MCF2L: variants seen among roughly 807,000 people sequenced by gnomAD.
The protein encoded by MCF2L is MCF.2 cell line derived transforming sequence like, also known as guanine nucleotide exchange factor DBS.
Under a neutral mutation model 153.4 loss-of-function variants are expected in MCF2L, and 97 were observed. The ratio of observed to expected loss-of-function variants is 0.63; its 90% CI spans 0.54 to 0.75. MCF2L has a LOEUF of 0.75. MCF2L is among the 30% of genes least tolerant of loss of function. The probability of loss-of-function intolerance (pLI) is 0.00; values close to 1 mark genes in which losing one functional copy is unlikely to be tolerated. For synonymous variants in MCF2L, 659 were observed against 632.2 expected (o/e 1.04, Z -0.64); for missense variants, 1,347 against 1,495.2 (o/e 0.90, Z 1.64).
chr13:112,955,707 CA>C (rs758025429), intron 2 of MCF2L, among the ~76,000 whole-genome samples: 8 of 152,260 alleles, frequency 5.3e-5, no homozygotes, highest in African/African-American at 1.9e-4. Context: ...TTCCATTCCC[CA>C]AAAGAGCCCC....
chr13:113,056,866 AGTGGGTG>A, intron 4 of MCF2L, among the ~76,000 whole-genome samples: 1 of 77,456 alleles, frequency 1.3e-5, no homozygotes, highest in African/African-American at 5.5e-5. Flanking sequence ...TTCGGCGCTG[AGTGGGTG>A]CTGAGTGGGT....
chr13:113,082,581 C>G (rs756173757), intron 17 of MCF2L, 39 bp downstream of exon 17: 2 of 1,401,798 alleles, frequency 1.4e-6, no homozygotes, highest in South Asian at 2.4e-5. Flanking sequence ...CACCCGTGAT[C>G]TCTTGCAGCT....
chr13:112,985,779 T>C (rs559100501), intron 1 of MCF2L, among the ~76,000 whole-genome samples: 1 of 152,342 alleles, frequency 6.6e-6, no homozygotes, highest in Non-Finnish European at 1.5e-5. Flanking sequence ...GGGCTCAGCC[T>C]GCACCAGGCT....
chr13:113,030,796 A>T (rs115042286), intron 3 of MCF2L, among the ~76,000 whole-genome samples: 1,606 of 152,318 alleles, frequency 0.011, 23 homozygotes, highest in African/African-American at 0.037. Context: ...CGACAAGCAG[A>T]TTCCAGACCC....
chr13:112,913,969 C>T (rs559188436), intron 2 of MCF2L, among the ~76,000 whole-genome samples: 4 of 152,298 alleles, frequency 2.6e-5, no homozygotes, highest in African/African-American at 9.6e-5. Context: ...GCCTGCACCT[C>T]GAGTCCAGAC....
At chr13:112,942,254 GT>G (rs2081582957) in intron 2 of MCF2L, among the ~76,000 whole-genome samples, 1 of 152,214 alleles carries the variant, frequency 6.6e-6, no homozygotes, top group Non-Finnish European at 1.5e-5. Context: ...ATTAGTGAAA[GT>G]ACTAAAAGTC....
At chr13:112,902,666 G>A (rs762462051) in intron 2 of MCF2L, among the ~76,000 whole-genome samples, 1 of 152,244 alleles carries the variant, frequency 6.6e-6, no homozygotes, top group Non-Finnish European at 1.5e-5. Context: ...TAGAGATCAT[G>A]AGAAATGTTT....
chr13:113,098,130 C>G lies in MCF2L; in HGVS notation c.*1271C>G, dbSNP rs1046021521. 6.6e-6 allele frequency: 1 copy of G among 152,506 alleles called. No homozygotes were observed. The highest frequency in any genetic ancestry group is 1.5e-5 in the Non-Finnish European group (1 of 68,056). 9.4% of individuals were successfully genotyped at this position (152,506 alleles called of 1,614,324 possible). ...CTGGAAAGGACATATTCGCTGTCCC[C>G]GTGCTGCTGGGAGGGCCGCCTCACA... On this transcript the variant is annotated 3_prime_UTR_variant, in exon 30 of 30. Coordinates refer to ENST00000535094, the MANE Select transcript of MCF2L (RefSeq NM_001112732.3).
chr13:113,089,593 T>G lies in MCF2L; in HGVS notation c.2835-17T>G, dbSNP rs770338388. 5.9e-6 allele frequency: 9 copies of G among 1,535,244 alleles called. No homozygotes were observed. The East Asian group carries it at 9.0e-5, about 15-fold the overall frequency. On this transcript the variant is annotated splice_polypyrimidine_tract_variant and intron_variant, in intron 25 of 29. Transcript: ENST00000535094. ...GGCAACACACTATTTCCTTTTTGAT[T>G]TGTCTGATGTCATCAGTCCCTCAAG... is the stretch of plus-strand genomic sequence containing the variant.
chr13:113,039,019 T>C (rs2086320002), intron 3 of MCF2L, among the ~76,000 whole-genome samples: 1 of 152,092 alleles, frequency 6.6e-6, no homozygotes, highest in South Asian at 2.1e-4. Context: ...CACCACGCCC[T>C]GCTGATTTTT....
chr13:112,914,725 AT>A (rs2081272765), intron 2 of MCF2L, among the ~76,000 whole-genome samples: 1 of 152,000 alleles, frequency 6.6e-6, no homozygotes, highest in South Asian at 2.1e-4. Flanking sequence ...ACTGCTTCTC[AT>A]TTATGTTTTT....
rs1411892458 is a variant in MCF2L at position 112,943,388 on chromosome 13, TC to T, written c.169+41021del. Among the ~76,000 whole-genome samples the T allele has an allele frequency of 3.3e-5, 5 of 149,606 alleles. No homozygotes were observed. The highest frequency in any genetic ancestry group is 5.0e-5 in the African/African-American group (2 of 40,260). ...GAGGGCGGCGGCTCCCAGCTCCCGG[TC>T]CCCGGCTCCGCGCCGCAGGCGTGAA... On this transcript the variant is annotated intron_variant, in intron 2 of 29. Coordinates refer to the MCF2L transcript ENST00000375608. The surrounding 1 kb of genome is among the most constrained non-coding windows in gnomAD (Gnocchi z 4.2).
At chr13:112,944,087 G>T (rs1204488560) in intron 2 of MCF2L, among the ~76,000 whole-genome samples, 1 of 149,864 alleles carries the variant, frequency 6.7e-6, no homozygotes, top group East Asian at 2.0e-4. Flanking sequence ...CTGAGGGAAG[G>T]GTTCCGGACC....
intron 1 of MCF2L, among the ~76,000 whole-genome samples, chr13:112,902,044 G>A (rs765977089): frequency 5.9e-5 from 9 of 152,330 alleles, no homozygotes; most frequent in East Asian, 1.9e-4. Flanking sequence ...GAAATTGACC[G>A]GAGAAGAATG....
intron 2 of MCF2L, chr13:112,902,488 A>G: frequency 9.4e-7 from 1 of 1,064,388 alleles, no homozygotes; most frequent in Non-Finnish European, 1.3e-6. Flanking sequence ...GATCCTGGGA[A>G]TGCATGACCC....
At chr13:112,928,847 C>G (rs944180012) in intron 2 of MCF2L, among the ~76,000 whole-genome samples, 3 of 152,344 alleles carry the variant, frequency 2.0e-5, no homozygotes. Flanking sequence ...GAGGACTTCC[C>G]GGCCGAGGGC....
chr13:112,938,745 G>A (rs145622468), intron 2 of MCF2L, among the ~76,000 whole-genome samples: 40 of 152,212 alleles, frequency 2.6e-4, no homozygotes, highest in East Asian at 1.7e-3. Context: ...AAGTTTTGGC[G>A]CTACCAGGGC....
At chr13:112,901,396 C>T (rs1365523713) in intron 1 of MCF2L, among the ~76,000 whole-genome samples, 1 of 152,158 alleles carries the variant, frequency 6.6e-6, no homozygotes, top group Admixed American at 6.5e-5. Context: ...TGAGGTGATT[C>T]GCCGGCGTCG....
At chr13:113,084,619 T>G (rs2034457180) in intron 18 of MCF2L, 2 of 504,838 alleles carry the variant, frequency 4.0e-6, no homozygotes, top group Non-Finnish European at 7.0e-6. Flanking sequence ...ATGGCTGCGG[T>G]GGAACCCCGT....
Sources: allele counts gnomAD v4.1 joint callset (sites outside exome capture counted in the v4.1 genomes callset), GRCh38; gene constraint gnomAD v4.1.1; non-coding constraint Gnocchi (gnomAD v3.1); transcripts MANE v1.5; gene names NCBI Gene and HGNC (gene_info 2026-07-23, HGNC 2026-07-21).